SLC2A13: variants seen among roughly 807,000 people sequenced by gnomAD.
SLC2A13 encodes solute carrier family 2 member 13.
In SLC2A13, 32 loss-of-function variants were observed where a neutral mutation model predicts 64.4. That is an observed-to-expected ratio of 0.50 (90% CI 0.37 to 0.67). The LOEUF is 0.67. Ranked by LOEUF, SLC2A13 falls within the 30% of genes least tolerant of loss-of-function variation. The probability of loss-of-function intolerance (pLI) is 0.00; values close to 1 mark genes in which losing one functional copy is unlikely to be tolerated. For missense variants in SLC2A13, 743 were observed against 829.2 expected, an observed-to-expected ratio of 0.90 and a Z score of 1.28; for synonymous variants, 338 against 327.1, an observed-to-expected ratio of 1.03 and a Z score of -0.36.
intron 9 of SLC2A13, among the ~76,000 whole-genome samples, chr12:39,761,796 T>A (rs1445133305): frequency 1.6e-4 from 24 of 152,064 alleles, no homozygotes; most frequent in Admixed American, 1.6e-3. Context: ...ACATTTTAGA[T>A]TAAACTAGGC....
chr12:39,782,409 C>T (rs1157715037), intron 7 of SLC2A13, among the ~76,000 whole-genome samples: 1 of 152,126 alleles, frequency 6.6e-6, no homozygotes, highest in Non-Finnish European at 1.5e-5. Context: ...ATGGGTTTGT[C>T]AGGGGTTTCT....
chr12:39,997,955 C>G (rs773190618), intron 3 of SLC2A13, among the ~76,000 whole-genome samples: 1 of 152,130 alleles, frequency 6.6e-6, no homozygotes, highest in Admixed American at 6.6e-5. Flanking sequence ...TATGGAAAGC[C>G]GTGTGGAGAT....
At chr12:40,062,623 A>G (rs1381187006) in intron 1 of SLC2A13, among the ~76,000 whole-genome samples, 2 of 152,094 alleles carry the variant, frequency 1.3e-5, no homozygotes, top group African/African-American at 4.8e-5. Flanking sequence ...GCATTGTATA[A>G]GCTTCCATAT....
At chr12:40,034,685 T>C (rs1947951431) in intron 2 of SLC2A13, among the ~76,000 whole-genome samples, 2 of 152,222 alleles carry the variant, frequency 1.3e-5, no homozygotes, top group African/African-American at 4.8e-5. Flanking sequence ...TAAAATTCTA[T>C]AGCTTCAAGT....
chr12:39,795,242 A>C (rs1941537610), intron 7 of SLC2A13, among the ~76,000 whole-genome samples: 1 of 151,260 alleles, frequency 6.6e-6, no homozygotes, highest in African/African-American at 2.4e-5. Flanking sequence ...TGTTTCTTTG[A>C]GTTTCATTCA....
intron 3 of SLC2A13, among the ~76,000 whole-genome samples, chr12:39,972,960 A>G (rs914149240): frequency 3.3e-5 from 5 of 151,966 alleles, no homozygotes; most frequent in Non-Finnish European, 5.9e-5. Context: ...CCAGCTACTC[A>G]GGAGGCTGAG....
intron 1 of SLC2A13, among the ~76,000 whole-genome samples, chr12:40,058,750 G>T (rs950313759): frequency 2.0e-5 from 3 of 152,130 alleles, no homozygotes; most frequent in African/African-American, 7.2e-5. Flanking sequence ...GGCTGAAAAA[G>T]ATTATATAGC....
chr12:40,004,780 A>G (rs1380174256), intron 3 of SLC2A13, among the ~76,000 whole-genome samples: 1 of 152,210 alleles, frequency 6.6e-6, no homozygotes, highest in East Asian at 1.9e-4. Context: ...GTTGATTAAT[A>G]TATATTTTTA....
At chr12:39,900,577 T>A (rs529973319) in intron 4 of SLC2A13, among the ~76,000 whole-genome samples, 1 of 152,066 alleles carries the variant, frequency 6.6e-6, no homozygotes, top group South Asian at 2.1e-4. Context: ...ATGAGTGAAC[T>A]CCTATTCACA....
intron 3 of SLC2A13, among the ~76,000 whole-genome samples, chr12:39,989,175 C>T (rs1947088099): frequency 6.6e-6 from 1 of 152,120 alleles, no homozygotes; most frequent in African/African-American, 2.4e-5. Context: ...CCCTTACCCC[C>T]TGAAACTCTC....
intron 7 of SLC2A13, among the ~76,000 whole-genome samples, chr12:39,784,771 C>T (rs917210614): frequency 6.6e-6 from 1 of 152,128 alleles, no homozygotes; most frequent in Non-Finnish European, 1.5e-5. Context: ...AAGAAACTAC[C>T]ATCAGAGTGA....
At chr12:40,033,544 C>G (rs1565598520) in intron 2 of SLC2A13, among the ~76,000 whole-genome samples, 1 of 152,182 alleles carries the variant, frequency 6.6e-6, no homozygotes, top group Admixed American at 6.5e-5. Flanking sequence ...ATGGAATATC[C>G]TGTGATTTTC....
chr12:40,094,657 A>T (rs1938878126), intron 1 of SLC2A13, among the ~76,000 whole-genome samples: 1 of 152,234 alleles, frequency 6.6e-6, no homozygotes, highest in African/African-American at 2.4e-5. Context: ...GGGTTCAGAA[A>T]AAAAGGGAAG....
At chr12:39,985,995 T>C (rs551490718) in intron 3 of SLC2A13, among the ~76,000 whole-genome samples, 16 of 152,192 alleles carry the variant, frequency 1.1e-4, no homozygotes, top group African/African-American at 3.9e-4. Flanking sequence ...CTCCAGAAGA[T>C]TCACTGTGCG....
rs1011182532 is a variant in SLC2A13 at position 39,815,228 on chromosome 12, A to G, written c.1445+14875T>C. Among the ~76,000 whole-genome samples, 4 of 152,366 alleles carry G rather than the reference A, an allele frequency of 2.6e-5. No homozygotes were observed. In the East Asian group the frequency reaches 7.7e-4, roughly 29 times the overall value. The stretch of plus-strand genomic sequence containing the variant: ...AGACTTTCTGAAAGAAACTTCCTGA[A>G]TCCCATATGCCCAAATATGAATCAA... On this transcript the variant is annotated intron_variant, in intron 7 of 9. Coordinates refer to ENST00000280871, the MANE Select transcript of SLC2A13 (RefSeq NM_052885.4).
intron 4 of SLC2A13, among the ~76,000 whole-genome samples, chr12:39,899,225 G>A (rs571338114): frequency 9.9e-5 from 15 of 152,122 alleles, no homozygotes; most frequent in African/African-American, 2.9e-4. Context: ...TGTATGTGTC[G>A]AGGAATTTAT....
chr12:39,896,083 CATAT>C (rs145743460), intron 4 of SLC2A13, among the ~76,000 whole-genome samples: 35 of 145,116 alleles, frequency 2.4e-4, no homozygotes, highest in African/African-American at 7.5e-4. Flanking sequence ...TACACGTGTA[CATAT>C]ATGTATACAC....
rs921078148 is a variant in SLC2A13, at chr12:39,796,830, T to C, written c.1446-31972A>G. ...GATGGTTTTGTACTATTTTTAATAATGATAATGCTGCCATGGACATTTATG... is the reference window on the plus strand; with the variant it reads ...GATGGTTTTGTACTATTTTTAATAACGATAATGCTGCCATGGACATTTATG... On this transcript the variant is annotated intron_variant, in intron 7 of 9. Coordinates refer to ENST00000280871, the MANE Select transcript of SLC2A13 (RefSeq NM_052885.4). Among the ~76,000 whole-genome samples the C allele has an allele frequency of 5.9e-5, 9 of 152,280 alleles. No individual in the cohort carries two copies. In the East Asian group the frequency reaches 1.7e-3, roughly 29 times the overall value.
intron 6 of SLC2A13, among the ~76,000 whole-genome samples, chr12:39,856,375 T>C (rs1943608163): frequency 6.6e-6 from 1 of 152,180 alleles, no homozygotes; most frequent in African/African-American, 2.4e-5. Flanking sequence ...TTATTTATTT[T>C]ATTTTATTTT....
Sources: gnomAD v4.1 joint callset for allele counts (sites outside exome capture counted in the v4.1 genomes callset) on GRCh38, gnomAD v4.1.1 for gene constraint, MANE v1.5 for transcripts, NCBI Gene and HGNC (gene_info 2026-07-23, HGNC 2026-07-21) for gene names.